Variants in BPIFB6 observed in about 807,000 individuals in gnomAD.
The protein encoded by BPIFB6 is BPI fold-containing family B member 6.
A neutral mutation model predicts 54.7 loss-of-function variants in BPIFB6; 47 were observed. The ratio of observed to expected loss-of-function variants is 0.86; its 90% CI spans 0.68 to 1.10. BPIFB6 has a LOEUF of 1.10. Among genes scored for constraint, BPIFB6 ranks in the 50% least tolerant of loss-of-function variants. The pLI, the probability that BPIFB6 is intolerant of heterozygous loss-of-function variation, is 0.00. For synonymous variants in BPIFB6, 255 were observed against 225.9 expected, an observed-to-expected ratio of 1.13 and a Z score of -1.16; for missense variants, 603 against 564.1, an observed-to-expected ratio of 1.07 and a Z score of -0.70.
rs762349415 is a variant in BPIFB6 at position 33,042,890 on chromosome 20, A to C, written c.1252+12A>C. 6.2e-7 allele frequency: 1 copy of C among 1,613,380 alleles called. No individual in the cohort carries two copies. The highest frequency in any genetic ancestry group is 2.2e-5 in the East Asian group (1 of 44,882). ...CCCAGTTGTCAATGGTGAGGGTTCCAAAAGGCTTTGGACCATGGTGCCAAG... is the reference window on the plus strand; with the variant it reads ...CCCAGTTGTCAATGGTGAGGGTTCCCAAAGGCTTTGGACCATGGTGCCAAG... On this transcript the variant is annotated intron_variant, in intron 13 of 14. Coordinates refer to ENST00000349552, the MANE Select transcript of BPIFB6 (RefSeq NM_174897.2).
chr20:33,039,501 C>T lies in BPIFB6; in HGVS notation c.1055C>T (p.Ser352Phe), dbSNP rs762138075. Residue 352 changes from serine to phenylalanine, a missense_variant, in exon 10 of 15, where the codon TCC becomes TTC. Ser to Phe is a radical substitution (Grantham distance 155). Coordinates refer to ENST00000349552, the MANE Select transcript of BPIFB6 (RefSeq NM_174897.2). ...AARWRSKAPM[S>F]LFLLEVHFNL... is the part of the protein sequence containing the mutation. ...CGGTGGCGGAGCAAGGCTCCAATGT[C>T]CCTCTTTCTCCTAGAAGTGGTGAGG... The T allele has an allele frequency of 1.2e-6, 2 of 1,610,698 alleles. No individual in the cohort carries two copies. Among genetic ancestry groups the T allele is most frequent in the Non-Finnish European group, 1.7e-6 (2 of 1,178,936 alleles).
At position 33,043,387 on chromosome 20, in the gene BPIFB6, G is replaced by A. The variant is rs768377107; in HGVS notation, c.1329+20G>A. On this transcript the variant is annotated intron_variant, in intron 14 of 14. Transcript: ENST00000349552. ...GTAGAGGTGAGAGGAGGGGCTAGGG[G>A]AGGTCATGTCAATCAACACTGTCAG... 4 of 1,609,282 alleles carry A rather than the reference G, an allele frequency of 2.5e-6. No individual in the cohort carries two copies. Among genetic ancestry groups the A allele is most frequent in the Non-Finnish European group, 3.4e-6 (4 of 1,175,640 alleles).
chr20:33,033,090 A>C lies in BPIFB6; in HGVS notation c.197+7A>C. 6.2e-7 allele frequency: 1 copy of C among 1,606,036 alleles called. No homozygotes were observed. Among genetic ancestry groups the C allele is most frequent in the South Asian group, 1.1e-5 (1 of 90,912 alleles). ...CTATCAAGGGCATCACCAAGTGAGT[A>C]GGGGAGGGGAGCTGGAGGGTGGTGG... On this transcript the variant is annotated splice_region_variant and intron_variant, in intron 2 of 14. Transcript: ENST00000349552.
chr20:33,038,591 C>T (rs1979443178), intron 8 of BPIFB6, among the ~76,000 whole-genome samples: 1 of 152,202 alleles, frequency 6.6e-6, no homozygotes, highest in African/African-American at 2.4e-5. Flanking sequence ...TTTCCCCATC[C>T]ATCTGTCTAT....
At chr20:33,037,792 C>T in intron 8 of BPIFB6, 54 bp downstream of exon 8, 1 of 1,571,862 alleles carries the variant, frequency 6.4e-7, no homozygotes, top group Non-Finnish European at 8.7e-7. Flanking sequence ...CAATGCAGTC[C>T]CTGCCTAGTT....
chr20:33,031,667 TG>T lies in BPIFB6; in HGVS notation c.22del (p.Ala8HisfsTer6). Reference sequence around the variant, plus strand: ...GGTGCCATGCTGCGGATCCTGTGCCTGGCACTCTGCAGCCTGCTGACTGGCA... The same window carrying T: ...GGTGCCATGCTGCGGATCCTGTGCCTGCACTCTGCAGCCTGCTGACTGGCA... MLRILC[L>X]ALCSLLTGTR... On this transcript the variant is annotated frameshift_variant, in exon 1 of 15. Transcript: ENST00000349552. LOFTEE classifies it high-confidence loss of function. 6.2e-7 allele frequency: 1 copy of T among 1,613,954 alleles called. No individual in the cohort carries two copies.
intron 11 of BPIFB6, 121 bp downstream of exon 11, chr20:33,040,439 A>G (rs1407403087): frequency 2.2e-6 from 2 of 895,198 alleles, no homozygotes; most frequent in East Asian, 2.6e-5. Context: ...AGGCTGCTCT[A>G]GCTACTTTTC....
In BPIFB6 at chr20:33,031,676, G is replaced by T; in HGVS notation, c.29G>T (p.Cys10Phe). The part of the protein sequence containing the change: MLRILCLAL[C>F]SLLTGTRADP... ...CTGCGGATCCTGTGCCTGGCACTCTGCAGCCTGCTGACTGGCACGCGAGCT... is the reference window on the plus strand; with the variant it reads ...CTGCGGATCCTGTGCCTGGCACTCTTCAGCCTGCTGACTGGCACGCGAGCT... The change falls in exon 1 of 15, where the codon TGC becomes TTC. Residue 10 changes from cysteine (C) to phenylalanine (F), a missense_variant. By Grantham distance (205) the Cys-to-Phe change is radical. Transcript: ENST00000349552. The T allele has an allele frequency of 6.2e-7, 1 of 1,614,030 alleles. No individual in the cohort carries two copies. Among genetic ancestry groups the T allele is most frequent in the Non-Finnish European group, 8.5e-7 (1 of 1,179,992 alleles).
chr20:33,043,143 A>G (rs1979662313), intron 13 of BPIFB6, 148 bp from the exon 14 acceptor site: 1 of 779,648 alleles, frequency 1.3e-6, no homozygotes, highest in African/African-American at 1.7e-5. Flanking sequence ...ATACATTGCA[A>G]ATCAGGCTTA....
At chr20:33,032,910 T>A in intron 1 of BPIFB6, 74 bp from the exon 2 acceptor site, 1 of 1,207,444 alleles carries the variant, frequency 8.3e-7, no homozygotes, top group Non-Finnish European at 1.2e-6. Flanking sequence ...TGGGGCACAG[T>A]GACGGTGAGT....
intron 5 of BPIFB6, 22 bp from the exon 6 acceptor site, chr20:33,035,590 C>T (rs747917225): frequency 3.7e-6 from 6 of 1,613,892 alleles, no homozygotes; most frequent in Middle Eastern, 3.3e-4. Flanking sequence ...CCCTCTCAGC[C>T]CAGTGCCTTC....
chr20:33,038,591 CATCT>C (rs1481908034), intron 8 of BPIFB6, among the ~76,000 whole-genome samples: 5 of 152,202 alleles, frequency 3.3e-5, no homozygotes, highest in East Asian at 3.8e-4. Context: ...TTTCCCCATC[CATCT>C]GTCTATTCAT....
In BPIFB6 at chr20:33,039,407, C is replaced by T. The variant is rs371753435; in HGVS notation, c.961C>T (p.Pro321Ser). 2.8e-5 allele frequency: 45 copies of T among 1,614,062 alleles called. No homozygotes were observed. The highest frequency in any genetic ancestry group is 4.0e-5 in the African/African-American group (3 of 74,928). ...GACCCAGATCAAGATAAAGAAGCCT[C>T]CCAAGGTCACTATGAAGACAGGCAA... ...LTTQIKIKKP[P>S]KVTMKTGKSL... Residue 321 changes from proline to serine, a missense_variant, in exon 10 of 15, where the codon CCC becomes TCC. Coordinates refer to ENST00000349552, the MANE Select transcript of BPIFB6 (RefSeq NM_174897.2).
chr20:33,035,715 T>C, intron 6 of BPIFB6, 43 bp downstream of exon 6: 2 of 1,579,962 alleles, frequency 1.3e-6, no homozygotes, highest in Non-Finnish European at 1.7e-6. Context: ...CCTAGGGATA[T>C]CAGGATAGAT....
intron 2 of BPIFB6, 196 bp downstream of exon 2, chr20:33,033,279 C>A: frequency 3.0e-6 from 2 of 673,320 alleles, no homozygotes; most frequent in Non-Finnish European, 5.6e-6. Flanking sequence ...CAGCCATTCA[C>A]TGGGGACAAT....
chr20:33,043,220 T>C, intron 13 of BPIFB6, 71 bp from the exon 14 acceptor site: 2 of 1,351,080 alleles, frequency 1.5e-6, no homozygotes, highest in East Asian at 4.6e-5. Flanking sequence ...CCACTATCCC[T>C]ACCCCAGGCT....
rs763532311 is a variant in BPIFB6, at chr20:33,034,865, G to A, written c.405G>A (p.Glu135=). 5.6e-6 allele frequency: 9 copies of A among 1,613,578 alleles called. No homozygotes were observed. The highest frequency in any genetic ancestry group is 2.2e-5 in the South Asian group (2 of 91,060). The change falls in exon 4 of 15, where the codon GAG becomes GAA. Residue 135 remains glutamate (E), a synonymous_variant. Transcript: ENST00000349552. Reference sequence around the variant, plus strand: ...CAGGCCTCCCCGTGTTCAAGAGTGAGGGCTGTGAGGTCATCCTGGTCAATG... The same window carrying A: ...CAGGCCTCCCCGTGTTCAAGAGTGAAGGCTGTGAGGTCATCCTGGTCAATG... ...EETGLPVFKS[E]GCEVILVNVK...
chr20:33,035,747 C>A, intron 6 of BPIFB6, 75 bp downstream of exon 6: 1 of 1,446,312 alleles, frequency 6.9e-7, no homozygotes, highest in Non-Finnish European at 9.7e-7. Flanking sequence ...TCCCATTCCC[C>A]ATCCTAGTGC....
At position 33,042,874 on chromosome 20, in the gene BPIFB6, C is replaced by A. The variant is rs372649011; in HGVS notation, c.1248C>A (p.Val416=). The part of the protein sequence containing the change: ...SYLEEAYIPV[V]NDVLQVGLPL... ...TCGAAGAAGCCTACATCCCAGTTGT[C>A]AATGGTGAGGGTTCCAAAAGGCTTT... Residue 416 remains valine, a synonymous_variant, in exon 13 of 15, where the codon GTC becomes GTA. Transcript: ENST00000349552. 3.7e-6 allele frequency: 6 copies of A among 1,613,840 alleles called. No homozygotes were observed. The African/African-American group carries it at 8.0e-5, about 22-fold the overall frequency.
Sources: allele counts gnomAD v4.1 joint callset (sites outside exome capture counted in the v4.1 genomes callset), GRCh38; gene constraint gnomAD v4.1.1; transcripts MANE v1.5; gene names NCBI Gene and HGNC (gene_info 2026-07-23, HGNC 2026-07-21).